The following TP53BP2 variants were observed in gnomAD, a reference collection of about 807,000 sequenced individuals.
The protein encoded by TP53BP2 is apoptosis-stimulating of p53 protein 2.
In TP53BP2, 62 loss-of-function variants were observed where a neutral mutation model predicts 126.2. That is an observed-to-expected ratio of 0.49 (90% confidence interval 0.40 to 0.61). The LOEUF (loss-of-function observed/expected upper bound fraction) is 0.61. Ranked by LOEUF, TP53BP2 falls within the 20% of genes least tolerant of loss-of-function variation. The probability of loss-of-function intolerance (pLI) is 0.00; values close to 1 mark genes in which losing one functional copy is unlikely to be tolerated. For missense variants in TP53BP2, 1,215 were observed against 1,402.8 expected (o/e 0.87, Z 2.14); for synonymous variants, 485 against 502.9 (o/e 0.96, Z 0.48).
At chr1:223,834,971 GT>G in intron 1 of TP53BP2, 1 of 520,604 alleles carries the variant, frequency 1.9e-6, no homozygotes, top group Non-Finnish European at 2.5e-6. Context: ...CTCCTCCCTG[GT>G]TTTCCTCCTC....
intron 16 of TP53BP2, among the ~76,000 whole-genome samples, chr1:223,786,609 TA>T (rs1163475710): frequency 6.0e-5 from 9 of 148,986 alleles, no homozygotes; most frequent in Admixed American, 3.3e-4. Flanking sequence ...TGTGTGTGTA[TA>T]TTTTTTTTTC....
chr1:223,804,199 C>T lies in TP53BP2; in HGVS notation c.624G>A (p.Gln208=). Residue 208 remains glutamine, a synonymous_variant, in exon 6 of 18, where the codon CAG becomes CAA. Transcript: ENST00000343537. Reference sequence around the variant, plus strand: ...CAAGTTTCCCATTGCTTAGTCTCTTCTGTTCCACGTGGCCTTTAAGTGCTC... The same window carrying T: ...CAAGTTTCCCATTGCTTAGTCTCTTTTGTTCCACGTGGCCTTTAAGTGCTC... ...KVRALKGHVE[Q]KRLSNGKLVE... 6.2e-7 allele frequency: 1 copy of T among 1,613,200 alleles called. No homozygotes were observed. The highest frequency in any genetic ancestry group is 8.5e-7 in the Non-Finnish European group (1 of 1,179,858).
chr1:223,815,073 CTGTT>C (rs1381297346), intron 2 of TP53BP2, among the ~76,000 whole-genome samples: 1 of 152,146 alleles, frequency 6.6e-6, no homozygotes, highest in Non-Finnish European at 1.5e-5. Context: ...ACGAGACACA[CTGTT>C]TGAGGAGGCA....
intron 1 of TP53BP2, among the ~76,000 whole-genome samples, chr1:223,829,002 G>C (rs2102880789): frequency 6.6e-6 from 1 of 151,708 alleles, no homozygotes; most frequent in African/African-American, 2.4e-5. Flanking sequence ...AAAAAAAAAA[G>C]AGCCCACCGT....
chr1:223,823,102 C>A (rs950598382), intron 1 of TP53BP2, among the ~76,000 whole-genome samples: 4 of 152,072 alleles, frequency 2.6e-5, no homozygotes, highest in African/African-American at 9.7e-5. Flanking sequence ...GGTTTTAAGA[C>A]TGCAAAAAAG....
chr1:223,801,296 A>G lies in TP53BP2; in HGVS notation c.1226-486T>C, dbSNP rs899229300. On this transcript the variant is annotated intron_variant, in intron 9 of 17. Transcript: ENST00000343537. ...CCACTGCTTTCATTTTTCCTTACAGAAACAAAGCAAATATAACTCTTTCCA... is the reference window on the plus strand; with the variant it reads ...CCACTGCTTTCATTTTTCCTTACAGGAACAAAGCAAATATAACTCTTTCCA... Among the ~76,000 whole-genome samples, 13 of 152,244 alleles carry G rather than the reference A, an allele frequency of 8.5e-5. No homozygotes were observed. In the East Asian group the frequency reaches 2.5e-3, roughly 29 times the overall value.
At chr1:223,816,745 C>A (rs1287126647) in intron 2 of TP53BP2, among the ~76,000 whole-genome samples, 1 of 151,988 alleles carries the variant, frequency 6.6e-6, no homozygotes, top group Non-Finnish European at 1.5e-5. Context: ...ATATATATTA[C>A]ATTTTCAAAT....
Position 223,780,230 on chromosome 1 carries a change from T to C in TP53BP2, c.*623A>G, listed in dbSNP as rs1190305882. 6.6e-6 allele frequency: 1 copy of C among 152,238 alleles called. No homozygotes were observed. The highest frequency in any genetic ancestry group is 2.4e-5 in the African/African-American group (1 of 41,462). 9.4% of individuals were successfully genotyped at this position (152,238 alleles called of 1,614,324 possible). On this transcript the variant is annotated 3_prime_UTR_variant, in exon 18 of 18. Transcript: ENST00000343537. Reference sequence around the variant, plus strand: ...TTAAAATTCAGCCTACAAACAAGATTCTACATCTAATTACTGGTACCGTAG... The same window carrying C: ...TTAAAATTCAGCCTACAAACAAGATCCTACATCTAATTACTGGTACCGTAG...
At chr1:223,792,618 A>G in intron 14 of TP53BP2, 96 bp from the exon 15 acceptor site, 1 of 1,213,428 alleles carries the variant, frequency 8.2e-7, no homozygotes, top group Non-Finnish European at 1.2e-6. Flanking sequence ...ACAGAAATGG[A>G]CTCTTGTGAC....
At chr1:223,840,565 AGC>A (rs1357089155) in intron 1 of TP53BP2, among the ~76,000 whole-genome samples, 7 of 152,260 alleles carry the variant, frequency 4.6e-5, no homozygotes, top group African/African-American at 1.7e-4. Flanking sequence ...AGATAACATG[AGC>A]TTCAAGAATA....
At chr1:223,823,158 T>A (rs972309199) in intron 1 of TP53BP2, among the ~76,000 whole-genome samples, 1 of 152,094 alleles carries the variant, frequency 6.6e-6, no homozygotes, top group African/African-American at 2.4e-5. Flanking sequence ...CAGGAGGACA[T>A]CACACAGCAA....
chr1:223,835,786 T>C (rs1427680168), intron 1 of TP53BP2, among the ~76,000 whole-genome samples: 1 of 152,180 alleles, frequency 6.6e-6, no homozygotes, highest in Non-Finnish European at 1.5e-5. Flanking sequence ...TGAAAAGGCA[T>C]GCTCCATGTC....
intron 1 of TP53BP2, among the ~76,000 whole-genome samples, chr1:223,836,700 T>G (rs902684290): frequency 2.0e-5 from 3 of 151,514 alleles, no homozygotes; most frequent in Non-Finnish European, 4.4e-5. Context: ...GGTAAGAAAA[T>G]AGATAAGGAG....
In TP53BP2 at chr1:223,796,602, A is replaced by G. The variant is rs558576996; in HGVS notation, c.1949-12T>C. ...AGGCTTACCATATACTAATTGGAAA[A>G]GGAAAAAAAAAAGCCCTCATTAGCA... On this transcript the variant is annotated splice_polypyrimidine_tract_variant and intron_variant, in intron 12 of 17. Transcript: ENST00000343537. This position sits in a 1 kb window ranked among gnomAD's most constrained non-coding sequence, Gnocchi z 4.2. 1.3e-6 allele frequency: 2 copies of G among 1,537,556 alleles called. No individual in the cohort carries two copies. Among genetic ancestry groups the G allele is most frequent in the Admixed American group, 2.2e-5 (1 of 45,156 alleles).
chr1:223,839,427 T>C (rs1664032487), intron 1 of TP53BP2, among the ~76,000 whole-genome samples: 1 of 152,172 alleles, frequency 6.6e-6, no homozygotes, highest in African/African-American at 2.4e-5. Context: ...TCCCCCTGCT[T>C]TTACATATAA....
chr1:223,834,446 T>C (rs553186902), intron 1 of TP53BP2, among the ~76,000 whole-genome samples: 5 of 152,176 alleles, frequency 3.3e-5, no homozygotes, highest in Non-Finnish European at 5.9e-5. Flanking sequence ...AGAGTATTAA[T>C]TTCACTAGCA....
At chr1:223,794,753 A>T (rs545264371) in intron 13 of TP53BP2, among the ~76,000 whole-genome samples, 201 of 152,358 alleles carry the variant, frequency 1.3e-3, no homozygotes, top group Middle Eastern at 0.01. Flanking sequence ...AGGGTTGTTT[A>T]AAAACTGTTA....
chr1:223,786,560 ATGTGTGTGTGTGCGTGTGTGCGTGTG>A (rs1273547727), intron 16 of TP53BP2, among the ~76,000 whole-genome samples: 1 of 145,430 alleles, frequency 6.9e-6, no homozygotes, highest in Non-Finnish European at 1.5e-5. Context: ...CATTATATAT[ATGTGTGTGTGTGCGTGTGTGCGTGTG>A]TGTGTGTGTG....
chr1:223,816,955 T>C (rs1382375823), intron 2 of TP53BP2, among the ~76,000 whole-genome samples: 1 of 147,264 alleles, frequency 6.8e-6, no homozygotes, highest in Non-Finnish European at 1.5e-5. Context: ...AGCCCAGGAG[T>C]TCAAGACCAG....
Sources: allele counts gnomAD v4.1 joint callset (sites outside exome capture counted in the v4.1 genomes callset), GRCh38; gene constraint gnomAD v4.1.1; non-coding constraint Gnocchi (gnomAD v3.1); transcripts MANE v1.5; gene names NCBI Gene and HGNC (gene_info 2026-07-23, HGNC 2026-07-21).